The following LRRC8C variants were observed in gnomAD, a reference collection of about 807,000 sequenced individuals.
LRRC8C encodes volume-regulated anion channel subunit LRRC8C.
Under a neutral mutation model 55.3 loss-of-function variants are expected in LRRC8C, and 20 were observed. The ratio of observed to expected loss-of-function variants is 0.36; its 90% CI spans 0.25 to 0.53. The LOEUF (loss-of-function observed/expected upper bound fraction) is 0.53, where lower values mean the gene tolerates loss of function less well. Among genes scored for constraint, LRRC8C ranks in the 20% least tolerant of loss-of-function variants. LRRC8C has a pLI of 0.92. For missense variants in LRRC8C, 659 were observed against 951.4 expected (o/e 0.69, Z 4.04); for synonymous variants, 376 against 360.7 (o/e 1.04, Z -0.48).
upstream of LRRC8C, chr1:89,632,674 G>A (rs1056508852): frequency 1.3e-5 from 2 of 152,392 alleles, no homozygotes; most frequent in African/African-American, 4.8e-5. Context: ...AGGAGCTGCG[G>A]TGGCTGAGCC....
At chr1:89,669,715 G>C (rs151163289) in intron 1 of LRRC8C, among the ~76,000 whole-genome samples, 294 of 152,242 alleles carry the variant, frequency 1.9e-3, no homozygotes, top group African/African-American at 6.5e-3. Flanking sequence ...TACAGACTCA[G>C]GCACCCTGAC....
intron 1 of LRRC8C, among the ~76,000 whole-genome samples, chr1:89,645,016 A>G (rs2101186824): frequency 6.6e-6 from 1 of 152,354 alleles, no homozygotes; most frequent in South Asian, 2.1e-4. Flanking sequence ...GTAGGCATGA[A>G]AATGCACAGG....
intron 2 of LRRC8C, among the ~76,000 whole-genome samples, chr1:89,701,292 C>T (rs1026898225): frequency 3.3e-5 from 5 of 151,986 alleles, no homozygotes; most frequent in South Asian, 4.1e-4. Context: ...CTGGCTAACA[C>T]GGTGAAACCC....
At chr1:89,679,769 T>C (rs1557658736) in intron 1 of LRRC8C, among the ~76,000 whole-genome samples, 1 of 152,204 alleles carries the variant, frequency 6.6e-6, no homozygotes. Flanking sequence ...TTTTCTTGAA[T>C]GATATATGAT....
intron 1 of LRRC8C, among the ~76,000 whole-genome samples, chr1:89,658,968 C>CTA (rs1557651628): frequency 6.6e-6 from 1 of 150,588 alleles, no homozygotes; most frequent in African/African-American, 2.4e-5. Context: ...ATATTACACT[C>CTA]TAAGTATGAT....
intron 2 of LRRC8C, among the ~76,000 whole-genome samples, chr1:89,707,462 A>C (rs1385369694): frequency 6.6e-6 from 1 of 152,050 alleles, no homozygotes; most frequent in East Asian, 1.9e-4. Flanking sequence ...ACCCCAGTCT[A>C]ATGCCCCCAG....
intron 2 of LRRC8C, among the ~76,000 whole-genome samples, chr1:89,705,250 A>G (rs1658442383): frequency 8.0e-6 from 1 of 124,654 alleles, no homozygotes; most frequent in Non-Finnish European, 1.6e-5. Flanking sequence ...AGGAAGGGGA[A>G]CATCACACTC....
chr1:89,680,939 T>C (rs1384251819), intron 1 of LRRC8C, among the ~76,000 whole-genome samples: 2 of 152,238 alleles, frequency 1.3e-5, no homozygotes, highest in African/African-American at 4.8e-5. Context: ...ATAATTTTCA[T>C]TTTTAAAATT....
At chr1:89,630,318 T>C (rs1453312671), upstream of LRRC8C, among the ~76,000 whole-genome samples, 4 of 152,188 alleles carry the variant, frequency 2.6e-5, no homozygotes, top group African/African-American at 7.2e-5. Flanking sequence ...TATATTCCAA[T>C]AGACTGATGA....
At chr1:89,649,597 A>G (rs1196927327) in intron 1 of LRRC8C, among the ~76,000 whole-genome samples, 1 of 152,164 alleles carries the variant, frequency 6.6e-6, no homozygotes, top group Admixed American at 6.5e-5. Context: ...AACTCCATCT[A>G]TTTGAAAAAC....
chr1:89,703,954 T>TA (rs943481042), intron 2 of LRRC8C, among the ~76,000 whole-genome samples: 16 of 151,930 alleles, frequency 1.1e-4, no homozygotes, highest in Non-Finnish European at 2.4e-4. Context: ...GGCAGAAACC[T>TA]AAAAAAATTA....
At chr1:89,637,319 C>T (rs1656317663) in intron 1 of LRRC8C, among the ~76,000 whole-genome samples, 1 of 151,500 alleles carries the variant, frequency 6.6e-6, no homozygotes, top group African/African-American at 2.4e-5. Context: ...ACACCTACCT[C>T]AGAGAAGAGG....
At chr1:89,695,174 G>A (rs1305939460) in intron 2 of LRRC8C, among the ~76,000 whole-genome samples, 6 of 151,324 alleles carry the variant, frequency 4.0e-5, no homozygotes, top group African/African-American at 2.4e-5. Flanking sequence ...TGCCCCCCTC[G>A]GGCTCCCAAA....
the LRRC8C span, among the ~76,000 whole-genome samples, chr1:89,618,361 C>G: frequency 2.0e-5 from 3 of 152,178 alleles, no homozygotes; most frequent in Admixed American, 6.5e-5. Context: ...ATTTACAAAC[C>G]ATGCAGGATT....
At chr1:89,690,896 A>G (rs889763678) in intron 2 of LRRC8C, among the ~76,000 whole-genome samples, 7 of 152,180 alleles carry the variant, frequency 4.6e-5, no homozygotes, top group Admixed American at 1.3e-4. Context: ...GGCCTTTTTC[A>G]TCTCTTCAGC....
intron 1 of LRRC8C, among the ~76,000 whole-genome samples, chr1:89,663,126 T>C (rs997113233): frequency 2.0e-5 from 3 of 152,216 alleles, no homozygotes; most frequent in African/African-American, 7.2e-5. Context: ...TCTAGCTTCA[T>C]CCATGTCCCT....
chr1:89,714,780 G>C lies in LRRC8C; in HGVS notation c.2210G>C (p.Gly737Ala), dbSNP rs76509396. ...AAGAAACTTAAAACTCTGAAGATTGGAAAAAACAGCCTATCTGTACTTTCA... is the reference window on the plus strand; with the variant it reads ...AAGAAACTTAAAACTCTGAAGATTGCAAAAAACAGCCTATCTGTACTTTCA... Reference protein sequence around the residue: ...FCKKLKTLKIGKNSLSVLSPK... With the variant: ...FCKKLKTLKIAKNSLSVLSPK... The change falls in exon 3 of 3, where the codon GGA becomes GCA. Residue 737 changes from glycine to alanine, a missense_variant. By Grantham distance (60) the Gly-to-Ala change is moderately conservative. Transcript: ENST00000370454. The surrounding 1 kb of genome is among the most constrained non-coding windows in gnomAD (Gnocchi z 4.6). 1 of 1,613,238 alleles carries C rather than the reference G, an allele frequency of 6.2e-7. No homozygotes were observed. The highest frequency in any genetic ancestry group is 8.5e-7 in the Non-Finnish European group (1 of 1,179,786).
intron 1 of LRRC8C, among the ~76,000 whole-genome samples, chr1:89,637,790 C>G (rs1656332933): frequency 6.6e-6 from 1 of 152,136 alleles, no homozygotes; most frequent in African/African-American, 2.4e-5. Context: ...TGTCTAAGCT[C>G]TTTTCCAATA....
chr1:89,633,646 C>A (rs1656198753), intron 1 of LRRC8C, among the ~76,000 whole-genome samples: 1 of 152,124 alleles, frequency 6.6e-6, no homozygotes, highest in South Asian at 2.1e-4. Context: ...GGGGGGCGGT[C>A]CGCGAGGGGA....
Sources: gnomAD v4.1 joint callset for allele counts (sites outside exome capture counted in the v4.1 genomes callset) on GRCh38, gnomAD v4.1.1 for gene constraint, Gnocchi (gnomAD v3.1) non-coding constraint, MANE v1.5 for transcripts, NCBI Gene and HGNC (gene_info 2026-07-23, HGNC 2026-07-21) for gene names.